CTNNA3: variants seen among roughly 807,000 people sequenced by gnomAD.
The protein encoded by CTNNA3 is catenin alpha-3.
A neutral mutation model predicts 95.7 loss-of-function variants in CTNNA3; 76 were observed. The ratio of observed to expected loss-of-function variants is 0.79; its 90% CI spans 0.66 to 0.96. CTNNA3 has a LOEUF of 0.96. Ranked by LOEUF, CTNNA3 falls within the 40% of genes least tolerant of loss-of-function variation. CTNNA3 has a pLI of 0.00. For missense variants in CTNNA3, 1,191 were observed against 1,089.8 expected (o/e 1.09, Z -1.31); for synonymous variants, 431 against 374.4 (o/e 1.15, Z -1.74).
intron 2 of CTNNA3, among the ~76,000 whole-genome samples, chr10:67,632,255 G>A (rs1208210783): frequency 1.3e-5 from 2 of 149,392 alleles, no homozygotes; most frequent in Non-Finnish European, 3.0e-5. Context: ...TCATCACATC[G>A]TACACCCTGA....
At chr10:66,153,444 A>G (rs575843675) in intron 13 of CTNNA3, among the ~76,000 whole-genome samples, 1 of 152,086 alleles carries the variant, frequency 6.6e-6, no homozygotes, top group Non-Finnish European at 1.5e-5. Flanking sequence ...TTAGGCTCAA[A>G]TTACATACTT....
intron 17 of CTNNA3, among the ~76,000 whole-genome samples, chr10:65,943,712 G>A (rs1351180998): frequency 6.6e-6 from 1 of 152,158 alleles, no homozygotes; most frequent in Non-Finnish European, 1.5e-5. Flanking sequence ...CAAAGTGTAT[G>A]GGTGAGCTTT....
At chr10:67,746,221 G>T (rs1402444653) in intron 1 of CTNNA3, among the ~76,000 whole-genome samples, 3 of 152,218 alleles carry the variant, frequency 2.0e-5, no homozygotes, top group African/African-American at 7.2e-5. Context: ...AGCATAAACA[G>T]GGACACAGAC....
chr10:67,091,254 G>T (rs1049288693), intron 7 of CTNNA3, among the ~76,000 whole-genome samples: 1 of 151,802 alleles, frequency 6.6e-6, no homozygotes, highest in Non-Finnish European at 1.5e-5. Flanking sequence ...AAATGAAAAA[G>T]AATAAAGTCA....
At chr10:66,943,117 A>G (rs1215781622) in intron 7 of CTNNA3, among the ~76,000 whole-genome samples, 1 of 152,222 alleles carries the variant, frequency 6.6e-6, no homozygotes, top group Admixed American at 6.5e-5. Context: ...GATTTTCTCA[A>G]GAGACAAATT....
rs897273416 is a variant in CTNNA3, at chr10:65,912,592, T to C, written c.*7738A>G. On this transcript the variant is annotated 3_prime_UTR_variant, in exon 18 of 18. Coordinates refer to ENST00000433211, the MANE Select transcript of CTNNA3 (RefSeq NM_013266.4). Reference sequence around the variant, plus strand: ...AATTTTCAGTTGAACAAATTCTTAATGAGCTACAGAGTGACATGAGTTGAA... The same window carrying C: ...AATTTTCAGTTGAACAAATTCTTAACGAGCTACAGAGTGACATGAGTTGAA... 2 of 152,286 alleles carry C rather than the reference T, an allele frequency of 1.3e-5. No individual in the cohort carries two copies. The highest frequency in any genetic ancestry group is 2.4e-5 in the African/African-American group (1 of 41,570). 9.4% of individuals were successfully genotyped at this position (152,286 alleles called of 1,614,324 possible). A position where few individuals can be genotyped will look rare whatever the true frequency, so the allele number is the denominator to read the frequency against.
chr10:66,570,576 C>T (rs183679476), intron 10 of CTNNA3, among the ~76,000 whole-genome samples: 168 of 152,000 alleles, frequency 1.1e-3, no homozygotes, highest in African/African-American at 3.7e-3. Context: ...CGTGAGCCAC[C>T]GCACCCAGCC....
At chr10:67,051,825 GCTCACTGCAACCTCTGC>G (rs1855118679) in intron 7 of CTNNA3, among the ~76,000 whole-genome samples, 1 of 151,632 alleles carries the variant, frequency 6.6e-6, no homozygotes, top group African/African-American at 2.4e-5. Context: ...CACCATCTCG[GCTCACTGCAACCTCTGC>G]CTCAGGGGTT....
At chr10:67,508,799 T>C (rs2133122741) in intron 5 of CTNNA3, among the ~76,000 whole-genome samples, 1 of 152,294 alleles carries the variant, frequency 6.6e-6, no homozygotes, top group Non-Finnish European at 1.5e-5. Flanking sequence ...GGAAGTCATT[T>C]AACTCAAAAG....
chr10:66,691,463 G>A (rs377127134), intron 9 of CTNNA3, among the ~76,000 whole-genome samples: 7 of 152,172 alleles, frequency 4.6e-5, no homozygotes, highest in African/African-American at 1.7e-4. Flanking sequence ...CGGGAAGCTC[G>A]AACTAGGTGG....
intron 7 of CTNNA3, among the ~76,000 whole-genome samples, chr10:66,834,059 C>T (rs190547031): frequency 1.3e-5 from 2 of 152,262 alleles, no homozygotes; most frequent in Admixed American, 6.5e-5. Flanking sequence ...CAATGACACA[C>T]TCAGCTCCTT....
chr10:65,999,120 T>G (rs1334820257), intron 15 of CTNNA3, among the ~76,000 whole-genome samples: 1 of 152,118 alleles, frequency 6.6e-6, no homozygotes, highest in African/African-American at 2.4e-5. Context: ...AATATTTGAG[T>G]TGCTCTTATC....
intron 3 of CTNNA3, among the ~76,000 whole-genome samples, chr10:67,561,030 A>G (rs1345629261): frequency 6.7e-6 from 1 of 149,882 alleles, no homozygotes; most frequent in African/African-American, 2.5e-5. Flanking sequence ...CTCCCACACA[A>G]TAATAATGGG....
At chr10:66,189,619 C>T (rs10996962) in intron 13 of CTNNA3, among the ~76,000 whole-genome samples, 9,857 of 93,812 alleles carry the variant, frequency 0.11, 1,087 homozygotes, top group African/African-American at 0.3. Context: ...TATATATATA[C>T]ACACATACAC....
chr10:67,072,503 C>T (rs1856520666), intron 7 of CTNNA3, among the ~76,000 whole-genome samples: 1 of 152,212 alleles, frequency 6.6e-6, no homozygotes, highest in South Asian at 2.1e-4. Flanking sequence ...CGATATCTTC[C>T]ACCAGAGCAG....
Position 66,566,241 on chromosome 10 carries a change from G to A in CTNNA3, c.1375-45468C>T, listed in dbSNP as rs146795446. 5.6e-3 allele frequency among the ~76,000 whole-genome samples: 860 copies of A among 152,288 alleles called. 8 individuals are homozygous for A. Among genetic ancestry groups the A allele is most frequent in the Non-Finnish European group, 9.3e-3 (631 of 68,020 alleles). On this transcript the variant is annotated intron_variant, in intron 10 of 17. Transcript: ENST00000433211. ...CAAAATGGAACAGTGATAGGACTTG[G>A]AGAAATGAAGAAAGACACGAGTTGC...
chr10:66,255,689 A>G (rs1243026679), intron 13 of CTNNA3, among the ~76,000 whole-genome samples: 2 of 152,292 alleles, frequency 1.3e-5, no homozygotes, highest in East Asian at 3.9e-4. Context: ...CAGGAGTTAC[A>G]TAAGCCACTA....
At chr10:66,778,526 C>A (rs993691299) in intron 7 of CTNNA3, among the ~76,000 whole-genome samples, 1 of 152,032 alleles carries the variant, frequency 6.6e-6, no homozygotes, top group African/African-American at 2.4e-5. Flanking sequence ...TGACAGAAGC[C>A]ATTATTAAGT....
chr10:67,559,498 A>T (rs10997714), intron 3 of CTNNA3, among the ~76,000 whole-genome samples: 18,246 of 152,174 alleles, frequency 0.12, 1,469 homozygotes, highest in East Asian at 0.31. Context: ...GTACATGACC[A>T]TCATCAAAGA....
Sources: allele counts gnomAD v4.1 joint callset (sites outside exome capture counted in the v4.1 genomes callset), GRCh38; gene constraint gnomAD v4.1.1; transcripts MANE v1.5; gene names NCBI Gene and HGNC (gene_info 2026-07-23, HGNC 2026-07-21).